APBA2: variants seen among roughly 807,000 people sequenced by gnomAD.
The protein encoded by APBA2 is amyloid-beta A4 precursor protein-binding family A member 2.
A neutral mutation model predicts 75.0 loss-of-function variants in APBA2; 30 were observed. The ratio of observed to expected loss-of-function variants is 0.40; its 90% CI spans 0.30 to 0.54. The LOEUF is 0.54. Ranked by LOEUF, APBA2 falls within the 20% of genes least tolerant of loss-of-function variation. The pLI is 0.49. For missense variants in APBA2, 801 were observed against 1,016.1 expected (o/e 0.79, Z 2.88); for synonymous variants, 444 against 409.6 (o/e 1.08, Z -1.01).
intron 1 of APBA2, among the ~76,000 whole-genome samples, chr15:28,901,544 T>G (rs987514279): frequency 3.9e-5 from 6 of 152,216 alleles, no homozygotes; most frequent in African/African-American, 1.4e-4. Flanking sequence ...GACGCATGAC[T>G]TCTCTGTGCC....
intron 3 of APBA2, among the ~76,000 whole-genome samples, chr15:29,010,360 G>A (rs1049506598): frequency 6.6e-6 from 1 of 152,062 alleles, no homozygotes; most frequent in Non-Finnish European, 1.5e-5. Context: ...GTGGGTTCAC[G>A]CCCTTCTCCT....
At chr15:28,887,194 T>G (rs921313804) in intron 1 of APBA2, among the ~76,000 whole-genome samples, 2 of 152,238 alleles carry the variant, frequency 1.3e-5, no homozygotes, top group Non-Finnish European at 2.9e-5. Flanking sequence ...TTGAGTGCAG[T>G]CAGCTCCTAA....
chr15:28,920,063 T>G (rs1291677191), intron 1 of APBA2, among the ~76,000 whole-genome samples: 3 of 152,150 alleles, frequency 2.0e-5, no homozygotes, highest in Non-Finnish European at 4.4e-5. Flanking sequence ...GCCAGCAGCA[T>G]CATGTGCAGT....
At chr15:29,047,609 CA>C in intron 3 of APBA2, among the ~76,000 whole-genome samples, 1 of 152,292 alleles carries the variant, frequency 6.6e-6, no homozygotes, top group African/African-American at 2.4e-5. Flanking sequence ...AAAGTGAAAG[CA>C]TTTTCATTGC....
intron 10 of APBA2, 21 bp from the exon 11 acceptor site, chr15:29,105,358 G>C: frequency 6.2e-7 from 1 of 1,606,550 alleles, no homozygotes; most frequent in East Asian, 2.2e-5. Flanking sequence ...CCTGTCTCCA[G>C]CTGGCCTGCC....
At chr15:29,045,381 C>T (rs1489306008) in intron 3 of APBA2, among the ~76,000 whole-genome samples, 1 of 151,690 alleles carries the variant, frequency 6.6e-6, no homozygotes, top group Non-Finnish European at 1.5e-5. Context: ...TGAGCCACCA[C>T]GCCCGGCCTG....
chr15:29,112,555 G>T (rs528692990), intron 13 of APBA2, among the ~76,000 whole-genome samples: 125 of 152,252 alleles, frequency 8.2e-4, no homozygotes, highest in African/African-American at 3.0e-3. Context: ...CCTTTCTCCA[G>T]GATAAGAGGG....
At chr15:29,040,080 G>A (rs1486001937) in intron 3 of APBA2, among the ~76,000 whole-genome samples, 1 of 152,218 alleles carries the variant, frequency 6.6e-6, no homozygotes, top group Non-Finnish European at 1.5e-5. Context: ...AACGCTGCAA[G>A]CTGAAGATTA....
Position 29,106,652 on chromosome 15 carries a change from G to A in APBA2, c.1750G>A (p.Val584Met). The A allele has an allele frequency of 6.2e-7, 1 of 1,613,150 alleles. No individual in the cohort carries two copies. The highest frequency in any genetic ancestry group is 8.5e-7 in the Non-Finnish European group (1 of 1,180,020). The change falls in exon 12 of 15, where the codon GTG (valine) becomes ATG (methionine). Residue 584 changes from valine to methionine, a missense_variant. Val to Met is a conservative substitution (Grantham distance 21). Around this residue, in one of 2 missense-constraint regions of APBA2, gnomAD observed 367 missense variants for 544.5 expected, o/e 0.67. Transcript: ENST00000683413. The stretch of plus-strand genomic sequence containing the variant: ...GGGCGAGATCCTGGGCGTGGTGGTG[G>A]TGGAGTCGGGCTGGGGCTCCATCCT... ...HKGEILGVVV[V>M]ESGWGSILPT...
At chr15:29,037,020 C>T (rs79169800) in intron 3 of APBA2, among the ~76,000 whole-genome samples, 5,351 of 128,674 alleles carry the variant, frequency 0.042, 244 homozygotes, top group East Asian at 0.23. Flanking sequence ...ACCCTGTCTC[C>T]AAAAAAAAAA....
At chr15:28,977,136 AAC>A (rs2152761235) in intron 2 of APBA2, 2 of 152,286 alleles carry the variant, frequency 1.3e-5, no homozygotes, top group South Asian at 4.2e-4. Flanking sequence ...TAGTTTAGAG[AAC>A]ACACATTCAT....
intron 1 of APBA2, among the ~76,000 whole-genome samples, chr15:28,909,502 G>A (rs1458144251): frequency 6.6e-6 from 1 of 152,190 alleles, no homozygotes; most frequent in Non-Finnish European, 1.5e-5. Flanking sequence ...TTTTGTTTGT[G>A]GTTCATCCCT....
At chr15:28,987,755 C>CTTT (rs1161611215) in intron 2 of APBA2, among the ~76,000 whole-genome samples, 1 of 92,880 alleles carries the variant, frequency 1.1e-5, no homozygotes. Flanking sequence ...TATATATATT[C>CTTT]TTTTTTTTTT....
intron 13 of APBA2, among the ~76,000 whole-genome samples, chr15:29,110,443 T>A (rs1281722585): frequency 6.6e-6 from 1 of 152,204 alleles, no homozygotes; most frequent in Non-Finnish European, 1.5e-5. Flanking sequence ...CCTGGGTTGG[T>A]GGCCAGTGCT....
At chr15:29,105,635 C>G (rs2044364438) in intron 11 of APBA2, 77 bp downstream of exon 11, 1 of 1,532,208 alleles carries the variant, frequency 6.5e-7, no homozygotes, top group Non-Finnish European at 9.0e-7. Flanking sequence ...AGCGAGCCTT[C>G]CCGGGGTCCT....
chr15:28,992,660 G>A (rs1034656872), intron 2 of APBA2, among the ~76,000 whole-genome samples: 1 of 152,158 alleles, frequency 6.6e-6, no homozygotes, highest in African/African-American at 2.4e-5. Flanking sequence ...TCTAGGCAAG[G>A]CCTGCCTCTC....
intron 4 of APBA2, among the ~76,000 whole-genome samples, chr15:29,058,663 A>G (rs1347173690): frequency 2.6e-5 from 4 of 152,264 alleles, no homozygotes; most frequent in East Asian, 1.9e-4. Context: ...TGCTGAGACC[A>G]AGAGGTCTGC....
chr15:29,039,772 T>G (rs1024199184), intron 3 of APBA2, among the ~76,000 whole-genome samples: 1 of 152,082 alleles, frequency 6.6e-6, no homozygotes, highest in African/African-American at 2.4e-5. Flanking sequence ...TTAATGTACC[T>G]CCCCAAATCT....
chr15:29,035,243 C>T (rs569938082), intron 3 of APBA2, among the ~76,000 whole-genome samples: 3 of 152,298 alleles, frequency 2.0e-5, no homozygotes, highest in Admixed American at 2.0e-4. Flanking sequence ...GGAGTAAGGG[C>T]TTGCTACCGG....
Sources: allele counts gnomAD v4.1 joint callset (sites outside exome capture counted in the v4.1 genomes callset), GRCh38; gene constraint gnomAD v4.1.1; regional missense constraint gnomAD v4.1.1; transcripts MANE v1.5; gene names NCBI Gene and HGNC (gene_info 2026-07-23, HGNC 2026-07-21).